The following KALRN variants were observed in gnomAD, a reference collection of about 807,000 sequenced individuals.
KALRN encodes the protein kalirin.
Under a neutral mutation model 353.7 loss-of-function variants are expected in KALRN, and 70 were observed. That is an observed-to-expected ratio of 0.20 (90% CI 0.16 to 0.24). The LOEUF is 0.24. Among genes scored for constraint, KALRN ranks in the 10% least tolerant of loss-of-function variants. The pLI is 1.00. For missense variants in KALRN, 2,791 were observed against 3,756.7 expected (o/e 0.74, Z 6.72); for synonymous variants, 1,391 against 1,434.8 (o/e 0.97, Z 0.69).
At chr3:124,242,942 C>T (rs752167175) in intron 3 of KALRN, among the ~76,000 whole-genome samples, 6 of 152,108 alleles carry the variant, frequency 3.9e-5, no homozygotes, top group Non-Finnish European at 8.8e-5. Flanking sequence ...AGGGAGAAAA[C>T]AAAAGCACTT....
At chr3:124,123,345 G>T (rs1414663099) in intron 1 of KALRN, among the ~76,000 whole-genome samples, 2 of 152,212 alleles carry the variant, frequency 1.3e-5, no homozygotes, top group Non-Finnish European at 2.9e-5. Context: ...CTTTATTGCT[G>T]ATATAAAGTT....
chr3:124,645,008 T>C (rs2082526008), intron 37 of KALRN, among the ~76,000 whole-genome samples: 1 of 152,264 alleles, frequency 6.6e-6, no homozygotes. Flanking sequence ...GACTTTTTGA[T>C]GATCGCCATT....
intron 38 of KALRN, 28 bp downstream of exon 38, chr3:124,650,966 T>TG (rs750824794): frequency 3.7e-6 from 6 of 1,612,612 alleles, no homozygotes; most frequent in East Asian, 2.2e-5. Context: ...TTCCTCCCTG[T>TG]GGTGCACATG....
chr3:124,542,642 G>C (rs2069156597), intron 33 of KALRN, among the ~76,000 whole-genome samples: 1 of 152,128 alleles, frequency 6.6e-6, no homozygotes, highest in Non-Finnish European at 1.5e-5. Flanking sequence ...ATTATTCCTA[G>C]AGTGCTTTGT....
At chr3:124,569,050 C>A (rs1431745178) in intron 34 of KALRN, among the ~76,000 whole-genome samples, 1 of 152,184 alleles carries the variant, frequency 6.6e-6, no homozygotes, top group Non-Finnish European at 1.5e-5. Context: ...TTCTTCTGTA[C>A]CTGGCTGTAC....
chr3:124,661,785 A>G, intron 44 of KALRN, 66 bp from the exon 45 acceptor site: 1 of 1,269,790 alleles, frequency 7.9e-7, no homozygotes, highest in Non-Finnish European at 1.2e-6. Flanking sequence ...TCCAGCACTG[A>G]ATTACCAAGA....
chr3:124,103,527 T>C (rs1352849559), intron 1 of KALRN, among the ~76,000 whole-genome samples: 3 of 152,152 alleles, frequency 2.0e-5, no homozygotes, highest in Non-Finnish European at 4.4e-5. Context: ...ACCAAAGCAA[T>C]TAGTATCGTT....
At chr3:124,122,376 G>A (rs1369984398) in intron 1 of KALRN, among the ~76,000 whole-genome samples, 1 of 152,134 alleles carries the variant, frequency 6.6e-6, no homozygotes, top group African/African-American at 2.4e-5. Flanking sequence ...TGATATGCAT[G>A]AAAGCTTGAC....
chr3:124,188,047 C>T (rs1427422546), intron 1 of KALRN, among the ~76,000 whole-genome samples: 1 of 152,126 alleles, frequency 6.6e-6, no homozygotes, highest in South Asian at 2.1e-4. Context: ...AAACAAAAAA[C>T]CCACGTGTGG....
chr3:124,673,908 G>A (rs1325012487), intron 48 of KALRN, among the ~76,000 whole-genome samples: 2 of 152,282 alleles, frequency 1.3e-5, no homozygotes, highest in South Asian at 4.1e-4. Flanking sequence ...AGTAAAGCCA[G>A]CGCACTTTCA....
chr3:124,066,926 G>A (rs969796172), intron 1 of KALRN, among the ~76,000 whole-genome samples: 1 of 152,172 alleles, frequency 6.6e-6, no homozygotes, highest in Non-Finnish European at 1.5e-5. Flanking sequence ...ATGTGAGCTA[G>A]GTGATCTCCA....
At chr3:124,135,390 G>T (rs867446713) in intron 1 of KALRN, among the ~76,000 whole-genome samples, 1 of 152,088 alleles carries the variant, frequency 6.6e-6, no homozygotes, top group Admixed American at 6.6e-5. Flanking sequence ...GAGTGGGAGG[G>T]GGGCAAGGGA....
chr3:124,041,572 TC>T (rs2039972997), intron 1 of KALRN, among the ~76,000 whole-genome samples: 1 of 152,168 alleles, frequency 6.6e-6, no homozygotes, highest in South Asian at 2.1e-4. Flanking sequence ...TTTTTTCTCC[TC>T]CTCTGCATAA....
chr3:124,619,469 T>C (rs936307787), intron 34 of KALRN, among the ~76,000 whole-genome samples: 18 of 146,778 alleles, frequency 1.2e-4, no homozygotes, highest in Non-Finnish European at 2.1e-4. Context: ...GATAATTCCT[T>C]TTTATTTTCC....
intron 37 of KALRN, among the ~76,000 whole-genome samples, chr3:124,642,094 C>T (rs936945913): frequency 3.4e-4 from 52 of 152,096 alleles, no homozygotes; most frequent in African/African-American, 1.2e-3. Flanking sequence ...CCAGCCTAGG[C>T]AACACGGTGA....
At chr3:124,281,706 C>A (rs1237958694) in intron 5 of KALRN, among the ~76,000 whole-genome samples, 2 of 152,212 alleles carry the variant, frequency 1.3e-5, no homozygotes, top group Non-Finnish European at 2.9e-5. Context: ...GTCCCTGTTC[C>A]ATGCCATCTA....
chr3:124,567,777 C>T (rs1413137236), intron 34 of KALRN, among the ~76,000 whole-genome samples: 1 of 152,052 alleles, frequency 6.6e-6, no homozygotes, highest in Non-Finnish European at 1.5e-5. Context: ...AGGACCTGGA[C>T]ATCAGTATAT....
In KALRN at chr3:124,696,402, C is replaced by T. The variant is rs1035130776; in HGVS notation, c.7699+147C>T. Reference sequence around the variant, plus strand: ...CCAACCACCTCAGCCTCCCGATTAGCTGGACATGCACCACCATGCCTCGCT... The same window carrying T: ...CCAACCACCTCAGCCTCCCGATTAGTTGGACATGCACCACCATGCCTCGCT... On this transcript the variant is annotated intron_variant, in intron 54 of 59. Transcript: ENST00000682506. The T allele has an allele frequency of 2.4e-5, 14 of 590,304 alleles. 1 individual carries two copies. Among genetic ancestry groups the T allele is most frequent in the South Asian group, 1.7e-4 (5 of 28,668 alleles). The allele number at this position is 590,304 out of a possible 1,614,324, so 36.6% of individuals were successfully genotyped here. A position where few individuals can be genotyped will look rare whatever the true frequency, so the allele number is the denominator to read the frequency against.
chr3:124,383,097 A>G (rs2087657271), intron 10 of KALRN, among the ~76,000 whole-genome samples: 1 of 151,998 alleles, frequency 6.6e-6, no homozygotes, highest in African/African-American at 2.4e-5. Context: ...CTCTTTTTCA[A>G]CCCGGTCTCA....
Sources: allele counts gnomAD v4.1 joint callset (sites outside exome capture counted in the v4.1 genomes callset), GRCh38; gene constraint gnomAD v4.1.1; transcripts MANE v1.5; gene names NCBI Gene and HGNC (gene_info 2026-07-23, HGNC 2026-07-21).